The following JARID2 variants were observed in gnomAD, a reference collection of about 807,000 sequenced individuals.
JARID2 encodes protein Jumonji.
A neutral mutation model predicts 125.6 loss-of-function variants in JARID2; 21 were observed. The observed-to-expected ratio is 0.17, with a 90% CI of 0.12 to 0.24. The LOEUF is 0.24. Ranked by LOEUF, JARID2 falls within the 10% of genes least tolerant of loss-of-function variation. JARID2 has a pLI of 1.00. For missense variants in JARID2, 1,303 were observed against 1,639.6 expected, an observed-to-expected ratio of 0.79 and a Z score of 3.55; for synonymous variants, 736 against 661.6, an observed-to-expected ratio of 1.11 and a Z score of -1.73.
chr6:15,451,958 C>T, intron 3 of JARID2, 48 bp from the exon 4 acceptor site: 2 of 1,585,734 alleles, frequency 1.3e-6, no homozygotes, highest in South Asian at 1.1e-5. Flanking sequence ...AGGCCTATAT[C>T]CTCCAGTCTC....
chr6:15,396,475 T>C (rs1460021587), intron 2 of JARID2, among the ~76,000 whole-genome samples: 1 of 152,222 alleles, frequency 6.6e-6, no homozygotes, highest in African/African-American at 2.4e-5. Context: ...TCAGTATTTT[T>C]TAATTTAAAA....
At chr6:15,444,060 A>G (rs140867010) in intron 3 of JARID2, among the ~76,000 whole-genome samples, 23 of 152,234 alleles carry the variant, frequency 1.5e-4, no homozygotes, top group African/African-American at 3.9e-4. Context: ...TTGCATAAAC[A>G]AAGTGTTCCA....
intron 1 of JARID2, among the ~76,000 whole-genome samples, chr6:15,297,941 A>G (rs926719991): frequency 7.2e-5 from 11 of 152,194 alleles, no homozygotes; most frequent in African/African-American, 2.4e-4. Flanking sequence ...CTGGGAAACT[A>G]CAACATTCTT....
chr6:15,296,551 C>T (rs1471061486), intron 1 of JARID2, among the ~76,000 whole-genome samples: 1 of 152,106 alleles, frequency 6.6e-6, no homozygotes, highest in African/African-American at 2.4e-5. Flanking sequence ...TCATCCTCCC[C>T]GCAACACATA....
intron 2 of JARID2, among the ~76,000 whole-genome samples, chr6:15,394,299 A>G (rs893276921): frequency 2.0e-5 from 3 of 152,126 alleles, no homozygotes; most frequent in Non-Finnish European, 2.9e-5. Flanking sequence ...CATAAATGCA[A>G]TGCAGCATTG....
chr6:15,467,947 T>C (rs1313301293), intron 4 of JARID2, among the ~76,000 whole-genome samples: 1 of 152,156 alleles, frequency 6.6e-6, no homozygotes, highest in Non-Finnish European at 1.5e-5. Flanking sequence ...ATTTCTTTAT[T>C]TTTTATTTCA....
chr6:15,398,648 C>T (rs2299053), intron 2 of JARID2, among the ~76,000 whole-genome samples: 66,953 of 152,134 alleles, frequency 0.44, 14,879 homozygotes, highest in East Asian at 0.54. Flanking sequence ...ATATTGCCTG[C>T]ATGATCAGGA....
chr6:15,386,534 A>T (rs570218954), intron 2 of JARID2, among the ~76,000 whole-genome samples: 2 of 152,304 alleles, frequency 1.3e-5, no homozygotes, highest in East Asian at 3.9e-4. Flanking sequence ...TCTGCCACCC[A>T]GGCTGGAGGG....
chr6:15,251,550 C>T (rs1581324014), intron 1 of JARID2, among the ~76,000 whole-genome samples: 1 of 152,236 alleles, frequency 6.6e-6, no homozygotes, highest in East Asian at 1.9e-4. Flanking sequence ...CAGGTCCTGG[C>T]CACCTCTGGG....
intron 1 of JARID2, among the ~76,000 whole-genome samples, chr6:15,275,544 C>CCCCCCCCCCG (rs1554118142): frequency 2.1e-5 from 2 of 94,606 alleles, no homozygotes; most frequent in Non-Finnish European, 4.6e-5. Flanking sequence ...CCCCCCCCCC[C>CCCCCCCCCCG]GTCTTTTGCC....
At position 15,452,114 on chromosome 6, in the gene JARID2, A is replaced by G; in HGVS notation, c.432A>G (p.Ile144Met). The G allele has an allele frequency of 6.2e-7, 1 of 1,614,192 alleles. No individual in the cohort carries two copies. The highest frequency in any genetic ancestry group is 8.5e-7 in the Non-Finnish European group (1 of 1,180,030). Residue 144 changes from isoleucine to methionine, a missense_variant, in exon 4 of 18, where the codon ATA becomes ATG. Ile to Met is a conservative substitution (Grantham distance 10). Transcript: ENST00000341776. ...EPLLPPPATQISDLSKRKPKT... is the reference protein window; with the variant it reads ...EPLLPPPATQMSDLSKRKPKT... ...TGCTACCCCCTCCAGCTACTCAGAT[A>G]TCAGACCTCTCTAAAAGGAAGCCTA...
intron 2 of JARID2, among the ~76,000 whole-genome samples, chr6:15,394,598 C>T (rs768747154): frequency 4.0e-5 from 6 of 151,802 alleles, no homozygotes; most frequent in Non-Finnish European, 5.9e-5. Flanking sequence ...GACCCTGTCT[C>T]AAAGCAAAAC....
At chr6:15,352,310 C>T (rs1048327971) in intron 1 of JARID2, among the ~76,000 whole-genome samples, 7 of 152,120 alleles carry the variant, frequency 4.6e-5, no homozygotes, top group East Asian at 1.9e-4. Flanking sequence ...TGTAGCCCCC[C>T]GCCTCTCCAC....
intron 1 of JARID2, among the ~76,000 whole-genome samples, chr6:15,338,005 G>A (rs1038817116): frequency 1.3e-5 from 2 of 152,134 alleles, no homozygotes; most frequent in Admixed American, 6.5e-5. Flanking sequence ...TCCACCTCAC[G>A]GAAGGACGCC....
chr6:15,267,101 A>G (rs1760114431), intron 1 of JARID2, among the ~76,000 whole-genome samples: 2 of 152,166 alleles, frequency 1.3e-5, no homozygotes, highest in Admixed American at 1.3e-4. Flanking sequence ...ACATATTGCA[A>G]CTTACTGGAT....
chr6:15,444,359 ATG>A (rs1767574667), intron 3 of JARID2, among the ~76,000 whole-genome samples: 2 of 152,144 alleles, frequency 1.3e-5, no homozygotes, highest in Non-Finnish European at 2.9e-5. Context: ...TCACTTGAGG[ATG>A]TGTTTATTTT....
intron 1 of JARID2, among the ~76,000 whole-genome samples, chr6:15,261,311 CTTTT>C (rs70996526): frequency 7.2e-5 from 9 of 125,810 alleles, no homozygotes; most frequent in East Asian, 2.2e-4. Flanking sequence ...TCTTCTTCTT[CTTTT>C]TTTTTTTTTT....
intron 5 of JARID2, among the ~76,000 whole-genome samples, chr6:15,486,278 A>T (rs1223569764): frequency 1.3e-5 from 2 of 152,154 alleles, no homozygotes; most frequent in African/African-American, 2.4e-5. Context: ...ATGGGGAGGG[A>T]CTGTAAAGCA....
intron 3 of JARID2, among the ~76,000 whole-genome samples, chr6:15,448,352 C>G (rs1581578833): frequency 1.3e-5 from 2 of 152,150 alleles, no homozygotes; most frequent in Admixed American, 1.3e-4. Flanking sequence ...TGTAAAATAT[C>G]TCACAGTGTC....
Sources: gnomAD v4.1 joint callset for allele counts (sites outside exome capture counted in the v4.1 genomes callset) on GRCh38, gnomAD v4.1.1 for gene constraint, MANE v1.5 for transcripts, NCBI Gene and HGNC (gene_info 2026-07-23, HGNC 2026-07-21) for gene names.